ARMC2: variants seen among roughly 807,000 people sequenced by gnomAD.
The protein encoded by ARMC2 is armadillo repeat-containing protein 2.
A neutral mutation model predicts 90.3 loss-of-function variants in ARMC2; 67 were observed. The observed-to-expected ratio is 0.74, with a 90% CI of 0.61 to 0.91. The LOEUF (loss-of-function observed/expected upper bound fraction) is 0.91. ARMC2 is among the 40% of genes least tolerant of loss of function. The probability of loss-of-function intolerance (pLI) is 0.00; values close to 1 mark genes in which losing one functional copy is unlikely to be tolerated. For synonymous variants in ARMC2, 393 were observed against 393.0 expected (o/e 1.00, Z 0.00); for missense variants, 920 against 1,030.9 (o/e 0.89, Z 1.47).
the ARMC2 span, among the ~76,000 whole-genome samples, chr6:108,996,080 C>T: frequency 6.6e-6 from 1 of 152,130 alleles, no homozygotes. Context: ...CTTCCCAGAC[C>T]AAACCTTCAT....
intron 12 of ARMC2, among the ~76,000 whole-genome samples, chr6:108,939,924 A>G (rs1776294675): frequency 6.6e-6 from 1 of 152,224 alleles, no homozygotes; most frequent in South Asian, 2.1e-4. Flanking sequence ...TCATTATTAT[A>G]AGCATTAATT....
At chr6:109,000,645 A>G in the ARMC2 span, 1 of 1,608,612 alleles carries the variant, frequency 6.2e-7, no homozygotes, top group East Asian at 2.2e-5. Flanking sequence ...CAGGTTCACT[A>G]AGTAGGAGCA....
At chr6:108,913,021 C>T (rs1773594497) in intron 10 of ARMC2, among the ~76,000 whole-genome samples, 1 of 151,968 alleles carries the variant, frequency 6.6e-6, no homozygotes, top group African/African-American at 2.4e-5. Context: ...TCAGGCAGCC[C>T]CGAGACTGTA....
intron 13 of ARMC2, among the ~76,000 whole-genome samples, chr6:108,954,834 C>T (rs189099914): frequency 2.6e-5 from 4 of 152,302 alleles, no homozygotes; most frequent in Non-Finnish European, 5.9e-5. Context: ...TTATTCTGCT[C>T]AGGCTGCCAT....
chr6:108,862,500 A>T (rs921468600), intron 3 of ARMC2, among the ~76,000 whole-genome samples: 1 of 152,192 alleles, frequency 6.6e-6, no homozygotes, highest in East Asian at 1.9e-4. Flanking sequence ...ATTTCATTTT[A>T]AATAGTAATT....
the ARMC2 span, among the ~76,000 whole-genome samples, chr6:109,001,799 C>A: frequency 6.6e-6 from 1 of 152,148 alleles, no homozygotes; most frequent in Admixed American, 6.5e-5. Flanking sequence ...CAAACAGACA[C>A]TAAAGCCTTT....
chr6:108,955,879 T>C (rs553972886), intron 13 of ARMC2, among the ~76,000 whole-genome samples: 4 of 152,238 alleles, frequency 2.6e-5, no homozygotes, highest in Non-Finnish European at 5.9e-5. Context: ...GGACCAGGGA[T>C]GGGACTGCTG....
chr6:109,011,548 C>G, the ARMC2 span, among the ~76,000 whole-genome samples: 1 of 152,032 alleles, frequency 6.6e-6, no homozygotes, highest in Non-Finnish European at 1.5e-5. Context: ...ATTAGTCACT[C>G]TATTCTCCAA....
At chr6:108,979,701 T>A in the ARMC2 span, among the ~76,000 whole-genome samples, 5 of 151,980 alleles carry the variant, frequency 3.3e-5, no homozygotes, top group African/African-American at 1.2e-4. Flanking sequence ...CTTTTCATTC[T>A]TTTTTCTCTA....
At chr6:108,912,595 T>G (rs755281111) in intron 10 of ARMC2, 37 bp downstream of exon 10, 5 of 1,553,488 alleles carry the variant, frequency 3.2e-6, no homozygotes, top group Admixed American at 1.7e-5. Flanking sequence ...ATGTGTAAAA[T>G]TAGTTTTCAC....
chr6:108,926,407 G>A (rs1455009947), intron 10 of ARMC2, among the ~76,000 whole-genome samples: 2 of 152,194 alleles, frequency 1.3e-5, no homozygotes, highest in Admixed American at 1.3e-4. Context: ...GGAATTCCTA[G>A]AATGGTTCAT....
chr6:109,036,549 T>A, the ARMC2 span, among the ~76,000 whole-genome samples: 3 of 152,340 alleles, frequency 2.0e-5, no homozygotes, highest in Admixed American at 6.5e-5. Flanking sequence ...TGAGGGAAAG[T>A]GTATTTATCA....
intron 10 of ARMC2, among the ~76,000 whole-genome samples, chr6:108,921,797 C>T (rs1385818526): frequency 6.6e-6 from 1 of 152,200 alleles, no homozygotes; most frequent in African/African-American, 2.4e-5. Flanking sequence ...TATTCTTTTA[C>T]ATCATCAGTG....
At chr6:108,973,281 A>G (rs1778882479) in intron 17 of ARMC2, 76 bp from the exon 18 acceptor site, 5 of 1,310,152 alleles carry the variant, frequency 3.8e-6, no homozygotes, top group African/African-American at 1.5e-5. Context: ...AGTTTAACTC[A>G]TATCATCAAA....
At chr6:109,027,946 TA>T in the ARMC2 span, among the ~76,000 whole-genome samples, 1 of 152,252 alleles carries the variant, frequency 6.6e-6, no homozygotes, top group Non-Finnish European at 1.5e-5. Flanking sequence ...CTGTGTTCTT[TA>T]TATTATTTTG....
chr6:108,943,945 C>T (rs952815418), intron 12 of ARMC2, among the ~76,000 whole-genome samples: 1 of 152,056 alleles, frequency 6.6e-6, no homozygotes, highest in African/African-American at 2.4e-5. Flanking sequence ...GGTGCTCAGG[C>T]CCCACCCAGA....
At chr6:108,952,698 C>T (rs965227154) in intron 12 of ARMC2, among the ~76,000 whole-genome samples, 10 of 152,224 alleles carry the variant, frequency 6.6e-5, no homozygotes, top group Non-Finnish European at 1.3e-4. Context: ...CTTAGATTTA[C>T]ATGACTCATT....
the ARMC2 span, among the ~76,000 whole-genome samples, chr6:109,033,235 G>A: frequency 6.6e-6 from 1 of 152,128 alleles, no homozygotes; most frequent in African/African-American, 2.4e-5. Flanking sequence ...GTCTGGTTAA[G>A]AAGTAACAAA....
At chr6:108,998,364 AT>A in the ARMC2 span, 2 of 841,138 alleles carry the variant, frequency 2.4e-6, no homozygotes, top group South Asian at 3.5e-5. Context: ...GAGGCAGTCA[AT>A]AAAACCCTAC....
Sources: gnomAD v4.1 joint callset for allele counts (sites outside exome capture counted in the v4.1 genomes callset) on GRCh38, gnomAD v4.1.1 for gene constraint, MANE v1.5 for transcripts, NCBI Gene and HGNC (gene_info 2026-07-23, HGNC 2026-07-21) for gene names.